Variants in PXDNL observed in about 807,000 individuals in gnomAD.
PXDNL encodes the protein peroxidasin like, also known as probable oxidoreductase PXDNL.
Under a neutral mutation model 150.8 loss-of-function variants are expected in PXDNL, and 145 were observed. The observed-to-expected ratio is 0.96, with a 90% CI of 0.84 to 1.10. The LOEUF (loss-of-function observed/expected upper bound fraction) is 1.10, where lower values mean the gene tolerates loss of function less well. PXDNL is among the 50% of genes least tolerant of loss of function. PXDNL has a pLI of 0.00. For missense variants in PXDNL, 2,087 were observed against 1,873.9 expected (o/e 1.11, Z -2.10); for synonymous variants, 757 against 725.7 (o/e 1.04, Z -0.69).
rs371255276 is a variant in PXDNL, at chr8:51,641,293, G to A, written c.236+13396C>T. On this transcript the variant is annotated intron_variant, in intron 2 of 22. Transcript: ENST00000356297. ...CATTACCATTCAGGACACAGGCATG[G>A]GCAAGGACTTCATGTCTAAAACACC... 4.9e-3 allele frequency among the ~76,000 whole-genome samples: 741 copies of A among 151,124 alleles called. 5 individuals are homozygous for A. The highest frequency in any genetic ancestry group is 0.026 in the South Asian group (124 of 4,724).
chr8:51,323,662 T>C (rs111501725), intron 21 of PXDNL, among the ~76,000 whole-genome samples: 51,147 of 151,880 alleles, frequency 0.34, 10,298 homozygotes, highest in African/African-American at 0.56. Flanking sequence ...GCTTATAATC[T>C]CAGCACTTTG....
chr8:51,534,323 C>A (rs1307696171), intron 4 of PXDNL, among the ~76,000 whole-genome samples: 1 of 147,094 alleles, frequency 6.8e-6, no homozygotes, highest in Non-Finnish European at 1.5e-5. Flanking sequence ...AGCGTCTACG[C>A]CCGGCAGCCA....
intron 12 of PXDNL, 35 bp from the exon 13 acceptor site, chr8:51,426,793 T>C: frequency 8.1e-7 from 1 of 1,232,368 alleles, no homozygotes; most frequent in South Asian, 1.3e-5. Context: ...TCATGTCAAA[T>C]AATATCATTT....
At chr8:51,439,875 C>G (rs1809498497) in intron 12 of PXDNL, among the ~76,000 whole-genome samples, 1 of 145,712 alleles carries the variant, frequency 6.9e-6, no homozygotes, top group Non-Finnish European at 1.5e-5. Flanking sequence ...TTTGATCCAA[C>G]AATTCCCCTA....
chr8:51,740,123 C>A (rs2036888393), intron 1 of PXDNL, among the ~76,000 whole-genome samples: 1 of 151,772 alleles, frequency 6.6e-6, no homozygotes, highest in Admixed American at 6.5e-5. Context: ...TACTACGTCC[C>A]AAATCGATCC....
chr8:51,323,485 C>T (rs186871333), intron 21 of PXDNL, among the ~76,000 whole-genome samples: 32 of 152,150 alleles, frequency 2.1e-4, no homozygotes, highest in South Asian at 4.2e-4. Flanking sequence ...GATGGGGTCT[C>T]GCTATATTAC....
intron 4 of PXDNL, among the ~76,000 whole-genome samples, chr8:51,520,145 G>A (rs551421959): frequency 3.6e-4 from 55 of 152,208 alleles, no homozygotes; most frequent in African/African-American, 1.3e-3. Context: ...CACGCGGCAG[G>A]GAAAGGGAAA....
At chr8:51,630,608 G>A (rs769889814) in intron 2 of PXDNL, among the ~76,000 whole-genome samples, 17 of 151,790 alleles carry the variant, frequency 1.1e-4, no homozygotes, top group East Asian at 1.9e-4. Flanking sequence ...AAACAACCCC[G>A]TTAAAAAGTA....
At chr8:51,422,951 C>T (rs981940702) in intron 14 of PXDNL, among the ~76,000 whole-genome samples, 1 of 152,032 alleles carries the variant, frequency 6.6e-6, no homozygotes, top group Non-Finnish European at 1.5e-5. Context: ...CCCTTGTGAA[C>T]TGAATAATCA....
intron 4 of PXDNL, among the ~76,000 whole-genome samples, chr8:51,501,452 A>G (rs1039089010): frequency 6.6e-6 from 1 of 151,820 alleles, no homozygotes; most frequent in Non-Finnish European, 1.5e-5. Context: ...ACACACTTAC[A>G]TATACTCATA....
At chr8:51,380,332 T>C (rs964287342) in intron 17 of PXDNL, among the ~76,000 whole-genome samples, 1 of 152,190 alleles carries the variant, frequency 6.6e-6, no homozygotes, top group African/African-American at 2.4e-5. Context: ...AGTTTAATTT[T>C]AAAATCAGCT....
At chr8:51,562,974 G>A (rs1812747169) in intron 3 of PXDNL, among the ~76,000 whole-genome samples, 1 of 151,920 alleles carries the variant, frequency 6.6e-6, no homozygotes, top group African/African-American at 2.4e-5. Context: ...GGAGAGGTTG[G>A]TTTGCTCTTG....
At chr8:51,340,419 A>G (rs567721857) in intron 20 of PXDNL, among the ~76,000 whole-genome samples, 6 of 152,222 alleles carry the variant, frequency 3.9e-5, no homozygotes, top group Non-Finnish European at 7.3e-5. Context: ...TGTTAAAAAT[A>G]TTTTTAGATA....
At chr8:51,508,728 A>G (rs1438592052) in intron 4 of PXDNL, among the ~76,000 whole-genome samples, 1 of 152,140 alleles carries the variant, frequency 6.6e-6, no homozygotes, top group East Asian at 1.9e-4. Context: ...GCCGCCTTAC[A>G]TTGGAGACCC....
chr8:51,532,506 ATGT>A (rs1405125358), intron 4 of PXDNL, among the ~76,000 whole-genome samples: 6 of 152,234 alleles, frequency 3.9e-5, no homozygotes, highest in African/African-American at 1.4e-4. Context: ...CCAGTGTGTG[ATGT>A]TATTACTATT....
chr8:51,714,039 CA>C (rs1395200209), intron 1 of PXDNL, among the ~76,000 whole-genome samples: 1 of 152,118 alleles, frequency 6.6e-6, no homozygotes, highest in Non-Finnish European at 1.5e-5. Context: ...TAATTTTTAT[CA>C]CACTGAAATG....
intron 2 of PXDNL, among the ~76,000 whole-genome samples, chr8:51,601,056 T>C (rs975277700): frequency 6.7e-6 from 1 of 148,344 alleles, no homozygotes; most frequent in African/African-American, 2.5e-5. Context: ...AAATATATTA[T>C]ATCTTATATC....
intron 17 of PXDNL, among the ~76,000 whole-genome samples, chr8:51,403,909 G>A (rs1050925366): frequency 3.3e-5 from 5 of 152,176 alleles, no homozygotes; most frequent in African/African-American, 1.2e-4. Flanking sequence ...TGGTGTGTCC[G>A]GAGTTTGTTC....
At chr8:51,639,983 C>T (rs927200241) in intron 2 of PXDNL, among the ~76,000 whole-genome samples, 9 of 152,118 alleles carry the variant, frequency 5.9e-5, no homozygotes, top group Non-Finnish European at 1.0e-4. Flanking sequence ...AATCCAGCAG[C>T]ACATCAAAAA....
Sources: gnomAD v4.1 joint callset for allele counts (sites outside exome capture counted in the v4.1 genomes callset) on GRCh38, gnomAD v4.1.1 for gene constraint, MANE v1.5 for transcripts, NCBI Gene and HGNC (gene_info 2026-07-23, HGNC 2026-07-21) for gene names.